ZNF385D: variants seen among roughly 807,000 people sequenced by gnomAD.
ZNF385D encodes zinc finger protein 385D.
ZNF385D carries 15 observed loss-of-function variants against 35.8 expected under a neutral mutation model. The ratio of observed to expected loss-of-function variants is 0.42; its 90% CI spans 0.28 to 0.64. ZNF385D has a LOEUF of 0.64. Among genes scored for constraint, ZNF385D ranks in the 30% least tolerant of loss-of-function variants. The pLI, the probability that ZNF385D is intolerant of heterozygous loss-of-function variation, is 0.23. For synonymous variants in ZNF385D, 212 were observed against 186.8 expected, an observed-to-expected ratio of 1.13 and a Z score of -1.10; for missense variants, 474 against 494.6, an observed-to-expected ratio of 0.96 and a Z score of 0.39.
chr3:21,837,599 T>TGC (rs998282802), intron 3 of ZNF385D, among the ~76,000 whole-genome samples: 1 of 151,970 alleles, frequency 6.6e-6, no homozygotes, highest in Non-Finnish European at 1.5e-5. Context: ...AGAGGCCAGG[T>TGC]GCAGTGGCTC....
intron 3 of ZNF385D, among the ~76,000 whole-genome samples, chr3:21,768,997 C>T (rs1034592607): frequency 4.0e-5 from 6 of 151,650 alleles, no homozygotes; most frequent in African/African-American, 9.7e-5. Context: ...AAACAAAAAC[C>T]GGGATTGTTA....
chr3:21,855,624 C>T (rs1311141537), intron 3 of ZNF385D, among the ~76,000 whole-genome samples: 1 of 151,940 alleles, frequency 6.6e-6, no homozygotes, highest in Admixed American at 6.6e-5. Flanking sequence ...AAGATATATA[C>T]CAATATAGAC....
chr3:22,008,360 C>CATTTTTTTTTTTTTTT lies in ZNF385D; in HGVS notation c.325+160456_325+160457insAAAAAAAAAAAAAAAT, dbSNP rs773952386. On this transcript the variant is annotated intron_variant, in intron 3 of 5. Transcript: ENST00000494108. ...TCACTTTCATACAGGCCATGATTTT[C>CATTTTTTTTTTTTTTT]TTTTTTTTTTTTGAGGCGGAGTCTC... Among the ~76,000 whole-genome samples the CATTTTTTTTTTTTTTT allele has an allele frequency of 4.6e-4, 61 of 131,934 alleles. 14 individuals carry two copies. Among genetic ancestry groups the CATTTTTTTTTTTTTTT allele is most frequent in the South Asian group, 9.7e-4 (4 of 4,144 alleles). 86.6% of individuals were successfully genotyped at this position (131,934 alleles called of 152,430 possible).
chr3:21,970,114 G>A (rs140471262), intron 3 of ZNF385D, among the ~76,000 whole-genome samples: 3 of 152,208 alleles, frequency 2.0e-5, no homozygotes, highest in Non-Finnish European at 4.4e-5. Context: ...GTACAAACAA[G>A]CTGAACTATG....
At position 21,782,618 on chromosome 3, in the gene ZNF385D, T is replaced by C. The variant is rs541093544; in HGVS notation, c.326-117590A>G. Among the ~76,000 whole-genome samples the C allele has an allele frequency of 2.6e-5, 4 of 152,238 alleles. No individual in the cohort carries two copies. The East Asian group carries it at 7.8e-4, about 30-fold the overall frequency. On this transcript the variant is annotated intron_variant, in intron 3 of 5. Transcript: ENST00000494108. Reference sequence around the variant, plus strand: ...CGTGCTTTGAACAGGTTACTTAACGTCTCTGAAATTGTTTCAAGTAAAAAA... The same window carrying C: ...CGTGCTTTGAACAGGTTACTTAACGCCTCTGAAATTGTTTCAAGTAAAAAA...
rs996018569 is a variant in ZNF385D, at chr3:22,234,545, T to A, written c.107-65510A>T. ...TCTTTGACTGAAAAGCATCCCACCA[T>A]AATCTTAGCCTATAGATGTCTTGTG... On this transcript the variant is annotated intron_variant, in intron 2 of 5. Coordinates refer to the ZNF385D transcript ENST00000494108. 9.2e-5 allele frequency among the ~76,000 whole-genome samples: 14 copies of A among 152,154 alleles called. No individual in the cohort carries two copies. In the East Asian group the frequency reaches 2.7e-3, roughly 29 times the overall value.
intron 3 of ZNF385D, among the ~76,000 whole-genome samples, chr3:22,042,786 C>T (rs1698745588): frequency 6.6e-6 from 1 of 152,156 alleles, no homozygotes; most frequent in South Asian, 2.1e-4. Flanking sequence ...CCAGATTTTG[C>T]TTATAGCTCA....
At chr3:22,295,163 C>T (rs1456823480) in intron 2 of ZNF385D, among the ~76,000 whole-genome samples, 3 of 152,084 alleles carry the variant, frequency 2.0e-5, no homozygotes, top group African/African-American at 4.8e-5. Context: ...ACAATAAATT[C>T]TTTCTCTACA....
At chr3:21,744,151 C>CTG (rs2069650737) in intron 1 of ZNF385D, among the ~76,000 whole-genome samples, 1 of 152,182 alleles carries the variant, frequency 6.6e-6, no homozygotes, top group African/African-American at 2.4e-5. Context: ...TTTCAGTCAT[C>CTG]TGTGGCTCAA....
intron 3 of ZNF385D, among the ~76,000 whole-genome samples, chr3:22,118,576 T>C (rs1019102445): frequency 1.3e-5 from 2 of 152,114 alleles, no homozygotes; most frequent in African/African-American, 2.4e-5. Flanking sequence ...CTTCTAGTAT[T>C]TTGAATTAAG....
intron 3 of ZNF385D, among the ~76,000 whole-genome samples, chr3:22,129,809 G>T (rs2125683135): frequency 6.6e-6 from 1 of 152,230 alleles, no homozygotes; most frequent in African/African-American, 2.4e-5. Flanking sequence ...AGTCTGAGTG[G>T]TGCTTTATTT....
At chr3:21,713,927 A>G (rs2068215085) in intron 1 of ZNF385D, among the ~76,000 whole-genome samples, 1 of 152,158 alleles carries the variant, frequency 6.6e-6, no homozygotes, top group African/African-American at 2.4e-5. Flanking sequence ...CCCAAAGTCT[A>G]TGGATCCTAC....
chr3:21,698,972 G>A (rs1461507580), intron 1 of ZNF385D, among the ~76,000 whole-genome samples: 1 of 152,082 alleles, frequency 6.6e-6, no homozygotes, highest in African/African-American at 2.4e-5. Context: ...ATTTGACCCA[G>A]CAATCTCATT....
At chr3:22,060,915 A>T (rs570346889) in intron 3 of ZNF385D, among the ~76,000 whole-genome samples, 3 of 152,206 alleles carry the variant, frequency 2.0e-5, no homozygotes, top group African/African-American at 7.2e-5. Flanking sequence ...TCTATAAAAA[A>T]TTTTAAATTG....
intron 3 of ZNF385D, among the ~76,000 whole-genome samples, chr3:22,138,632 G>A (rs1211733527): frequency 1.3e-5 from 2 of 151,812 alleles, no homozygotes; most frequent in Non-Finnish European, 2.9e-5. Flanking sequence ...AGCTGAAACT[G>A]GATCCCTTCC....
intron 3 of ZNF385D, among the ~76,000 whole-genome samples, chr3:21,973,871 T>C (rs1446959097): frequency 6.6e-6 from 1 of 151,694 alleles, no homozygotes. Flanking sequence ...ACAAAAAAGG[T>C]GAAAGATCTC....
intron 3 of ZNF385D, among the ~76,000 whole-genome samples, chr3:21,556,062 G>GTTTTTTTTTTTT (rs1362972751): frequency 1.4e-4 from 13 of 93,136 alleles, no homozygotes; most frequent in South Asian, 1.0e-3. Flanking sequence ...CGTTTTTTTT[G>GTTTTTTTTTTTT]TTTTTGTTTT....
chr3:22,272,613 AAC>A (rs1288166090), intron 2 of ZNF385D, among the ~76,000 whole-genome samples: 8 of 151,994 alleles, frequency 5.3e-5, no homozygotes, highest in Admixed American at 1.3e-4. Flanking sequence ...GACATTATGT[AAC>A]ACAGTGTTAT....
chr3:22,152,667 G>A (rs546155722), intron 3 of ZNF385D, among the ~76,000 whole-genome samples: 87 of 152,140 alleles, frequency 5.7e-4, no homozygotes, highest in African/African-American at 1.8e-3. Flanking sequence ...CTCATAAAAT[G>A]ACTCTTGTGA....
Sources: gnomAD v4.1 joint callset for allele counts (sites outside exome capture counted in the v4.1 genomes callset) on GRCh38, gnomAD v4.1.1 for gene constraint, MANE v1.5 for transcripts, NCBI Gene and HGNC (gene_info 2026-07-23, HGNC 2026-07-21) for gene names.